The following IFT88 variants were observed in gnomAD, a reference collection of about 807,000 sequenced individuals.
The protein encoded by IFT88 is intraflagellar transport 88.
IFT88 carries 74 observed loss-of-function variants against 119.5 expected under a neutral mutation model. The observed-to-expected ratio is 0.62, with a 90% CI of 0.51 to 0.75. IFT88 has a LOEUF of 0.75. Among genes scored for constraint, IFT88 ranks in the 30% least tolerant of loss-of-function variants. IFT88 has a pLI of 0.00. For missense variants in IFT88, 961 were observed against 977.7 expected (o/e 0.98, Z 0.23); for synonymous variants, 279 against 316.7 (o/e 0.88, Z 1.26).
At chr13:20,614,658 A>G (rs1052985836) in intron 13 of IFT88, among the ~76,000 whole-genome samples, 110 of 152,272 alleles carry the variant, frequency 7.2e-4, no homozygotes, top group African/African-American at 2.5e-3. Context: ...TCTGGTTGTG[A>G]TACTTGAAAG....
At chr13:20,568,956 G>A (rs1200830547) in intron 1 of IFT88, among the ~76,000 whole-genome samples, 2 of 152,112 alleles carry the variant, frequency 1.3e-5, no homozygotes, top group South Asian at 2.1e-4. Context: ...TCCTGACCTC[G>A]TGATCCGCCC....
chr13:20,634,221 G>C (rs1480013477), intron 16 of IFT88, among the ~76,000 whole-genome samples: 1 of 152,102 alleles, frequency 6.6e-6, no homozygotes, highest in East Asian at 1.9e-4. Context: ...AAACAAACAT[G>C]AGAGAGAATC....
chr13:20,570,087 G>A (rs1260960032), intron 1 of IFT88, among the ~76,000 whole-genome samples: 1 of 150,556 alleles, frequency 6.6e-6, no homozygotes, highest in Non-Finnish European at 1.5e-5. Context: ...TTTCTCCAAA[G>A]AGATATAGAA....
chr13:20,621,176 C>T lies in IFT88; in HGVS notation c.1200-4574C>T, dbSNP rs550356553. 2.7e-4 allele frequency among the ~76,000 whole-genome samples: 41 copies of T among 152,250 alleles called. 1 individual carries two copies. The highest frequency in any genetic ancestry group is 3.1e-4 in the African/African-American group (13 of 41,546). On this transcript the variant is annotated intron_variant, in intron 14 of 25. Coordinates refer to ENST00000351808, the MANE Select transcript of IFT88 (RefSeq NM_006531.5). ...CACCTCCCTAGTTTCAAGAAATTCT[C>T]GTACCTCAGCCTCCCAAGTATCTGG...
At chr13:20,645,292 G>T (rs1182998614) in intron 20 of IFT88, among the ~76,000 whole-genome samples, 1 of 152,088 alleles carries the variant, frequency 6.6e-6, no homozygotes, top group Non-Finnish European at 1.5e-5. Context: ...GTTACACCAT[G>T]TTGGCCAGGC....
At chr13:20,689,282 C>G (rs2058256036) in intron 24 of IFT88, among the ~76,000 whole-genome samples, 2 of 152,152 alleles carry the variant, frequency 1.3e-5, no homozygotes, top group South Asian at 4.1e-4. Flanking sequence ...TTGAATCTTT[C>G]AGGCTAGGAA....
intron 20 of IFT88, among the ~76,000 whole-genome samples, chr13:20,646,295 T>TC (rs1466785495): frequency 2.7e-5 from 4 of 150,116 alleles, no homozygotes; most frequent in African/African-American, 9.9e-5. Context: ...ACCAATAAAA[T>TC]CTTTTTTTTT....
intron 17 of IFT88, 78 bp from the exon 18 acceptor site, chr13:20,641,212 G>T: frequency 2.5e-6 from 2 of 790,312 alleles, no homozygotes; most frequent in Non-Finnish European, 4.0e-6. Flanking sequence ...TATATTTTGA[G>T]ATTTATTCTG....
intron 24 of IFT88, among the ~76,000 whole-genome samples, chr13:20,689,380 T>C (rs1036810520): frequency 9.2e-5 from 14 of 152,232 alleles, no homozygotes; most frequent in African/African-American, 3.4e-4. Flanking sequence ...AAAAGTGAAA[T>C]AACGTTGTCG....
intron 20 of IFT88, among the ~76,000 whole-genome samples, chr13:20,647,276 ATCTT>A (rs1453633440): frequency 6.6e-6 from 1 of 152,138 alleles, no homozygotes; most frequent in South Asian, 2.1e-4. Flanking sequence ...TATACCATAT[ATCTT>A]AATTTTTCAC....
chr13:20,624,466 C>T (rs2047001961), intron 14 of IFT88, among the ~76,000 whole-genome samples: 1 of 152,146 alleles, frequency 6.6e-6, no homozygotes. Context: ...GTGAGACTCT[C>T]ATGTGAGGGC....
chr13:20,598,112 G>A (rs1332123542), intron 9 of IFT88, among the ~76,000 whole-genome samples: 2 of 152,162 alleles, frequency 1.3e-5, no homozygotes, highest in African/African-American at 4.8e-5. Context: ...AAATTTTGAA[G>A]TGTTAGATGC....
chr13:20,583,057 A>G (rs779849141), intron 3 of IFT88, 38 bp downstream of exon 3: 8 of 1,255,608 alleles, frequency 6.4e-6, no homozygotes, highest in African/African-American at 4.5e-5. Flanking sequence ...GTGGTAAAAA[A>G]TACATAACAT....
intron 13 of IFT88, 131 bp from the exon 14 acceptor site, chr13:20,615,662 A>G (rs1036597649): frequency 6.2e-6 from 3 of 483,220 alleles, no homozygotes; most frequent in African/African-American, 4.0e-5. Flanking sequence ...TTTCTATGGT[A>G]CCTGTCCATT....
At position 20,668,901 on chromosome 13, in the gene IFT88, A is replaced by G. The variant is rs75496056; in HGVS notation, c.2176-2072A>G. ...GTCAGTTCCAAAAGTGATGAGGACA[A>G]AAAGTGGTGTCTACGAGAAGTGAGA... On this transcript the variant is annotated intron_variant, in intron 23 of 25. Transcript: ENST00000351808. Among the ~76,000 whole-genome samples the G allele has an allele frequency of 3.9e-5, 6 of 152,200 alleles. No homozygotes were observed. In the East Asian group the frequency reaches 1.2e-3, roughly 29 times the overall value.
intron 20 of IFT88, among the ~76,000 whole-genome samples, chr13:20,649,063 A>AAT (rs1271777199): frequency 6.6e-6 from 1 of 152,218 alleles, no homozygotes; most frequent in Non-Finnish European, 1.5e-5. Context: ...ACCTCATATT[A>AAT]GTTTGAGACT....
At chr13:20,652,282 C>T (rs2051871740) in intron 20 of IFT88, among the ~76,000 whole-genome samples, 1 of 152,046 alleles carries the variant, frequency 6.6e-6, no homozygotes, top group Non-Finnish European at 1.5e-5. Flanking sequence ...TGTATTGTGT[C>T]CTTTAAGTAG....
At chr13:20,567,797 C>T (rs1002302196) in intron 1 of IFT88, 2 of 1,337,854 alleles carry the variant, frequency 1.5e-6, no homozygotes, top group Non-Finnish European at 1.9e-6. Flanking sequence ...TACTGTTGTC[C>T]CAAGATTCTT....
At chr13:20,630,933 A>G in intron 15 of IFT88, 83 bp from the exon 16 acceptor site, 1 of 843,944 alleles carries the variant, frequency 1.2e-6, no homozygotes, top group Non-Finnish European at 2.0e-6. Flanking sequence ...CTTACCCTTC[A>G]GGAACACTGA....
Sources: gnomAD v4.1 joint callset for allele counts (sites outside exome capture counted in the v4.1 genomes callset) on GRCh38, gnomAD v4.1.1 for gene constraint, MANE v1.5 for transcripts, NCBI Gene and HGNC (gene_info 2026-07-23, HGNC 2026-07-21) for gene names.